Variants in FARP1 observed in about 807,000 individuals in gnomAD.
FARP1 encodes FERM, ARHGEF and pleckstrin domain-containing protein 1.
A neutral mutation model predicts 128.8 loss-of-function variants in FARP1; 52 were observed. The ratio of observed to expected loss-of-function variants is 0.40; its 90% confidence interval spans 0.32 to 0.51. FARP1 has a LOEUF of 0.51. Among genes scored for constraint, FARP1 ranks in the 20% least tolerant of loss-of-function variants. The probability of loss-of-function intolerance (pLI) is 0.45; values close to 1 mark genes in which losing one functional copy is unlikely to be tolerated. For missense variants in FARP1, 1,333 were observed against 1,367.9 expected, an observed-to-expected ratio of 0.97 and a Z score of 0.40; for synonymous variants, 580 against 551.8, an observed-to-expected ratio of 1.05 and a Z score of -0.72.
chr13:98,163,380 C>G (rs1373633163), intron 1 of FARP1, among the ~76,000 whole-genome samples: 2 of 152,040 alleles, frequency 1.3e-5, no homozygotes, highest in Admixed American at 6.6e-5. Flanking sequence ...GGCTTAGTAC[C>G]TTCTGTTAAA....
At chr13:98,266,730 G>A (rs1319431543) in intron 2 of FARP1, among the ~76,000 whole-genome samples, 1 of 152,182 alleles carries the variant, frequency 6.6e-6, no homozygotes, top group Non-Finnish European at 1.5e-5. Flanking sequence ...GATGGCATGA[G>A]GCCGGGCGTG....
At chr13:98,364,610 T>C (rs1343776424) in intron 3 of FARP1, among the ~76,000 whole-genome samples, 1 of 152,230 alleles carries the variant, frequency 6.6e-6, no homozygotes, top group African/African-American at 2.4e-5. Flanking sequence ...TATGAGCTTC[T>C]GTGGAACCCT....
At position 98,309,152 on chromosome 13, in the gene FARP1, C is replaced by CTTTTTTTTTTTTTTTTTT. The variant is rs1886325642; in HGVS notation, c.172-34610_172-34609insTTTTTTTTTTTTTTTTTT. Among the ~76,000 whole-genome samples the CTTTTTTTTTTTTTTTTTT allele has an allele frequency of 1.9e-5, 2 of 106,192 alleles. 1 individual carries two copies. The highest frequency in any genetic ancestry group is 7.5e-5 in the African/African-American group (2 of 26,800). The allele number at this position is 106,192 out of a possible 152,430, so 69.7% of individuals were successfully genotyped here. On this transcript the variant is annotated intron_variant, in intron 2 of 26. Coordinates refer to ENST00000319562, the MANE Select transcript of FARP1 (RefSeq NM_005766.4). ...ATATATTAATATTAATTTTAAGAGG[C>CTTTTTTTTTTTTTTTTTT]CTTTTTTTTTTTTTTTTTTTTTTTT...
intron 2 of FARP1, among the ~76,000 whole-genome samples, chr13:98,314,274 C>CTTTTTTTTTT (rs140938723): frequency 1.7e-5 from 1 of 59,986 alleles, no homozygotes; most frequent in Non-Finnish European, 2.9e-5. Flanking sequence ...TATTTTATGT[C>CTTTTTTTTTT]TTTTTTTTTT....
chr13:98,260,358 A>G (rs1038307145), intron 2 of FARP1, among the ~76,000 whole-genome samples: 2 of 152,202 alleles, frequency 1.3e-5, no homozygotes, highest in African/African-American at 2.4e-5. Flanking sequence ...TTGCCTATTG[A>G]TAGGTGAAAC....
intron 1 of FARP1, among the ~76,000 whole-genome samples, chr13:98,204,973 C>T (rs901387590): frequency 1.3e-5 from 2 of 152,026 alleles, no homozygotes; most frequent in African/African-American, 4.8e-5. Flanking sequence ...AACAATTTGG[C>T]TATTATAGTT....
intron 2 of FARP1, chr13:98,244,951 G>T: frequency 3.8e-6 from 5 of 1,309,776 alleles, no homozygotes; most frequent in Non-Finnish European, 4.9e-6. Flanking sequence ...CTCTTAAAGG[G>T]AAGCAATACA....
chr13:98,159,792 T>A (rs1263451599), intron 1 of FARP1, among the ~76,000 whole-genome samples: 1 of 152,024 alleles, frequency 6.6e-6, no homozygotes, highest in Non-Finnish European at 1.5e-5. Flanking sequence ...TTAAAAAATA[T>A]TCATTACACA....
chr13:98,343,326 G>A (rs1314689061), intron 2 of FARP1, among the ~76,000 whole-genome samples: 1 of 152,164 alleles, frequency 6.6e-6, no homozygotes, highest in African/African-American at 2.4e-5. Flanking sequence ...TACAGCACAC[G>A]GAGTGAGCCT....
intron 13 of FARP1, chr13:98,396,781 C>T (rs2140077211): frequency 3.3e-6 from 1 of 302,274 alleles, no homozygotes; most frequent in East Asian, 5.2e-5. Context: ...TAGGAAGAAA[C>T]ACTTTATTAT....
chr13:98,217,841 C>G (rs557044225), intron 2 of FARP1, among the ~76,000 whole-genome samples: 3 of 152,322 alleles, frequency 2.0e-5, no homozygotes, highest in East Asian at 3.9e-4. Context: ...GCAGCGGTGC[C>G]TGTGCATGAA....
rs60890411 is a variant in FARP1, at chr13:98,312,135, CTTTTT to C, written c.172-31612_172-31608del. Among the ~76,000 whole-genome samples, 483 of 86,128 alleles carry C rather than the reference CTTTTT, an allele frequency of 5.6e-3. 6 individuals carry two copies. Among genetic ancestry groups the C allele is most frequent in the African/African-American group, 0.021 (433 of 20,948 alleles). 56.5% of individuals were successfully genotyped at this position (86,128 alleles called of 152,430 possible). ...GTGCTGGGATTGCAGGTGGTAACTGCTTTTTTTTTTTTTTTTTTTCTTTGAGACGG... is the reference window on the plus strand; with the variant it reads ...GTGCTGGGATTGCAGGTGGTAACTGCTTTTTTTTTTTTTTCTTTGAGACGG... On this transcript the variant is annotated intron_variant, in intron 2 of 26. Coordinates refer to ENST00000319562, the MANE Select transcript of FARP1 (RefSeq NM_005766.4).
intron 2 of FARP1, among the ~76,000 whole-genome samples, chr13:98,260,422 A>G (rs1158468685): frequency 1.3e-5 from 2 of 152,152 alleles, no homozygotes; most frequent in Non-Finnish European, 2.9e-5. Flanking sequence ...CCATTTTGGT[A>G]TAGTCAGCTT....
chr13:98,398,603 A>G (rs1393771840), intron 13 of FARP1: 3 of 152,194 alleles, frequency 2.0e-5, no homozygotes, highest in African/African-American at 7.2e-5. Flanking sequence ...GTGATCAAGT[A>G]GACTTAGGCA....
intron 1 of FARP1, among the ~76,000 whole-genome samples, chr13:98,167,346 T>C (rs571467760): frequency 3.0e-4 from 46 of 152,242 alleles, no homozygotes; most frequent in African/African-American, 9.9e-4. Context: ...TTTTTTTCCC[T>C]TATGGCATGT....
At chr13:98,438,581 A>G (rs1892388214) in intron 19 of FARP1, among the ~76,000 whole-genome samples, 1 of 152,146 alleles carries the variant, frequency 6.6e-6, no homozygotes, top group African/African-American at 2.4e-5. Flanking sequence ...GGGCAGAGCA[A>G]TGGTGCAGTG....
chr13:98,285,819 GAGTAAC>G (rs948777703), intron 2 of FARP1, among the ~76,000 whole-genome samples: 1 of 152,110 alleles, frequency 6.6e-6, no homozygotes, highest in Admixed American at 6.5e-5. Flanking sequence ...CATCGTTTGG[GAGTAAC>G]AGTGAACTTG....
At chr13:98,158,599 C>T (rs919989146) in intron 1 of FARP1, among the ~76,000 whole-genome samples, 3 of 152,074 alleles carry the variant, frequency 2.0e-5, no homozygotes, top group Non-Finnish European at 4.4e-5. Context: ...AACTCAGGCT[C>T]CAGGTACCAT....
chr13:98,202,263 GT>G (rs1880000856), intron 1 of FARP1, among the ~76,000 whole-genome samples: 1 of 152,218 alleles, frequency 6.6e-6, no homozygotes, highest in Non-Finnish European at 1.5e-5. Context: ...GCACGGAGCT[GT>G]TGGAGATTGA....
Sources: gnomAD v4.1 joint callset for allele counts (sites outside exome capture counted in the v4.1 genomes callset) on GRCh38, gnomAD v4.1.1 for gene constraint, MANE v1.5 for transcripts, NCBI Gene and HGNC (gene_info 2026-07-23, HGNC 2026-07-21) for gene names.